EDEM3: variants seen among roughly 807,000 people sequenced by gnomAD.
EDEM3 encodes ER degradation-enhancing alpha-mannosidase-like protein 3.
A neutral mutation model predicts 110.2 loss-of-function variants in EDEM3; 60 were observed. That is an observed-to-expected ratio of 0.54 (90% CI 0.44 to 0.67). The LOEUF is 0.67. Among genes scored for constraint, EDEM3 ranks in the 30% least tolerant of loss-of-function variants. The pLI, the probability that EDEM3 is intolerant of heterozygous loss-of-function variation, is 0.00. For missense variants in EDEM3, 996 were observed against 1,121.0 expected, an observed-to-expected ratio of 0.89 and a Z score of 1.59; for synonymous variants, 352 against 382.9, an observed-to-expected ratio of 0.92 and a Z score of 0.94.
intron 2 of EDEM3, among the ~76,000 whole-genome samples, chr1:184,745,755 T>C (rs1274448174): frequency 6.6e-6 from 1 of 152,140 alleles, no homozygotes; most frequent in Non-Finnish European, 1.5e-5. Flanking sequence ...ACGATTCTAC[T>C]AAAGGAAATT....
intron 15 of EDEM3, among the ~76,000 whole-genome samples, chr1:184,711,460 A>T (rs985690044): frequency 1.4e-4 from 22 of 152,184 alleles, no homozygotes; most frequent in African/African-American, 5.3e-4. Context: ...AAACTGTTAC[A>T]TGCTGCCCAC....
chr1:184,739,971 C>G (rs1381123241), intron 2 of EDEM3, among the ~76,000 whole-genome samples: 2 of 152,072 alleles, frequency 1.3e-5, no homozygotes, highest in Non-Finnish European at 2.9e-5. Context: ...GCTGGTGGCC[C>G]TGCATACATG....
At position 184,702,933 on chromosome 1, in the gene EDEM3, T is replaced by A; in HGVS notation, c.2267A>T (p.Asp756Val). The change falls in exon 19 of 20, where the codon GAT (aspartate) becomes GTT (valine). Residue 756 changes from aspartate to valine, a missense_variant. Physicochemically the swap from Asp to Val is radical, Grantham distance 152 (BLOSUM62 -3). Transcript: ENST00000318130. ...CATGGGGATCTTGATGTCATCTGTATCCTTTCCATCACCTGCCATCTGGAA... is the reference window on the plus strand; with the variant it reads ...CATGGGGATCTTGATGTCATCTGTAACCTTTCCATCACCTGCCATCTGGAA... ...PLFQMAGDGK[D>V]TDDIKIPMLF... The A allele has an allele frequency of 6.2e-7, 1 of 1,613,574 alleles. No homozygotes were observed. The highest frequency in any genetic ancestry group is 1.1e-5 in the South Asian group (1 of 91,058).
Position 184,754,806 on chromosome 1 carries a change from C to G in EDEM3, c.-160G>C. ...CAAACTGTTTCCCGAAGCCACCAAG[C>G]CGGTCCCCAGCGCCAGCGCTGCCAC... On this transcript the variant is annotated 5_prime_UTR_variant, in exon 1 of 20. Coordinates refer to ENST00000318130, the MANE Select transcript of EDEM3 (RefSeq NM_025191.4). The G allele has an allele frequency of 8.2e-7, 1 of 1,225,684 alleles. No individual in the cohort carries two copies. 75.9% of individuals were successfully genotyped at this position (1,225,684 alleles called of 1,614,324 possible). A position where few individuals can be genotyped will look rare whatever the true frequency, so the allele number is the denominator to read the frequency against.
At chr1:184,730,573 G>C (rs1057146702) in intron 6 of EDEM3, among the ~76,000 whole-genome samples, 9 of 152,006 alleles carry the variant, frequency 5.9e-5, no homozygotes, top group African/African-American at 1.9e-4. Context: ...GGTGATAGAG[G>C]GAGACTATCT....
chr1:184,739,884 AC>A (rs1427645076), intron 2 of EDEM3, among the ~76,000 whole-genome samples: 4 of 152,302 alleles, frequency 2.6e-5, no homozygotes, highest in African/African-American at 7.2e-5. Context: ...AGCTGCACTG[AC>A]CACAACATGG....
intron 6 of EDEM3, among the ~76,000 whole-genome samples, chr1:184,726,908 G>A (rs1651224750): frequency 6.6e-6 from 1 of 152,232 alleles, no homozygotes; most frequent in Non-Finnish European, 1.5e-5. Flanking sequence ...CGGGTTTTAA[G>A]AGTTTGGAAA....
intron 3 of EDEM3, 99 bp downstream of exon 3, chr1:184,737,512 T>C: frequency 9.5e-7 from 1 of 1,055,100 alleles, no homozygotes; most frequent in Non-Finnish European, 1.4e-6. Context: ...CTTTAAAATT[T>C]AGCCAATCCC....
intron 4 of EDEM3, among the ~76,000 whole-genome samples, chr1:184,736,439 A>T (rs1651829360): frequency 6.6e-6 from 1 of 152,156 alleles, no homozygotes; most frequent in Non-Finnish European, 1.5e-5. Flanking sequence ...TTTATACCAT[A>T]ATGATCTAAG....
intron 2 of EDEM3, among the ~76,000 whole-genome samples, chr1:184,748,389 G>GAATCACT (rs1247231120): frequency 2.6e-5 from 4 of 151,666 alleles, no homozygotes; most frequent in African/African-American, 9.7e-5. Flanking sequence ...GGTGGCTGCA[G>GAATCACT]TGAGCTGAGA....
intron 2 of EDEM3, among the ~76,000 whole-genome samples, chr1:184,746,115 C>G (rs1652416041): frequency 6.6e-6 from 1 of 152,170 alleles, no homozygotes; most frequent in African/African-American, 2.4e-5. Context: ...TGCAGACTGA[C>G]TGGGGCTAGA....
chr1:184,717,119 A>T (rs1257239076), intron 12 of EDEM3, 107 bp from the exon 13 acceptor site: 8 of 856,462 alleles, frequency 9.3e-6, no homozygotes, highest in Non-Finnish European at 1.4e-5. Flanking sequence ...CAGGCACTGT[A>T]TCAGGCACTG....
At position 184,737,695 on chromosome 1, in the gene EDEM3, G is replaced by T. The variant is rs777966032; in HGVS notation, c.221C>A (p.Ala74Asp). 1 of 1,613,704 alleles carries T rather than the reference G, an allele frequency of 6.2e-7. No individual in the cohort carries two copies. Among genetic ancestry groups the T allele is most frequent in the South Asian group, 1.1e-5 (1 of 91,036 alleles). ...ACAGGTTAAAGGCATGAGTTCATCA[G>T]CAGGGTAAGCATGTTCCTGCAAGGA... ...YGNYMEHAYP[A>D]DELMPLTCRG... Residue 74 changes from alanine to aspartate, a missense_variant, in exon 3 of 20, where the codon GCT becomes GAT. Physicochemically the swap from Ala to Asp is moderately radical, Grantham distance 126. Transcript: ENST00000318130.
chr1:184,718,913 A>C (rs995910119), intron 11 of EDEM3, among the ~76,000 whole-genome samples: 6 of 152,160 alleles, frequency 3.9e-5, no homozygotes, highest in African/African-American at 1.2e-4. Flanking sequence ...ATTTTTTTAC[A>C]TAAAATTTTA....
intron 18 of EDEM3, among the ~76,000 whole-genome samples, chr1:184,705,842 CT>C (rs1235397729): frequency 1.3e-5 from 2 of 151,904 alleles, no homozygotes; most frequent in Non-Finnish European, 2.9e-5. Context: ...TATATTTCCC[CT>C]AATAGTCATG....
chr1:184,708,162 T>C lies in EDEM3; in HGVS notation c.2028A>G (p.Lys676=). The change falls in exon 17 of 20, where the codon AAA becomes AAG. Residue 676 remains lysine (K), a synonymous_variant. Coordinates refer to ENST00000318130, the MANE Select transcript of EDEM3 (RefSeq NM_025191.4). ...GPAQFGLDLS[K]HKETRGFVAS... Reference sequence around the variant, plus strand: ...TTTTAAGTATACATACCTCTTTATGTTTAGACAGATCCAGCCCAAACTGAG... The same window carrying C: ...TTTTAAGTATACATACCTCTTTATGCTTAGACAGATCCAGCCCAAACTGAG... 6.2e-7 allele frequency: 1 copy of C among 1,612,092 alleles called. No homozygotes were observed. Among genetic ancestry groups the C allele is most frequent in the Non-Finnish European group, 8.5e-7 (1 of 1,179,186 alleles).
At chr1:184,751,283 TG>T (rs1393344262) in intron 1 of EDEM3, among the ~76,000 whole-genome samples, 3 of 152,016 alleles carry the variant, frequency 2.0e-5, no homozygotes, top group Non-Finnish European at 2.9e-5. Flanking sequence ...TATCAATGAA[TG>T]GAAGATGGAA....
intron 19 of EDEM3, among the ~76,000 whole-genome samples, chr1:184,698,475 C>T (rs965515348): frequency 2.6e-5 from 4 of 151,732 alleles, no homozygotes; most frequent in African/African-American, 9.7e-5. Context: ...ATCCTACTAA[C>T]TTGGAGGAAT....
chr1:184,735,332 A>G (rs1389335849), intron 4 of EDEM3, among the ~76,000 whole-genome samples: 2 of 152,212 alleles, frequency 1.3e-5, no homozygotes, highest in African/African-American at 4.8e-5. Flanking sequence ...GTCTGACTTA[A>G]GTGCTTAAAA....
Sources: allele counts gnomAD v4.1 joint callset (sites outside exome capture counted in the v4.1 genomes callset), GRCh38; gene constraint gnomAD v4.1.1; transcripts MANE v1.5; gene names NCBI Gene and HGNC (gene_info 2026-07-23, HGNC 2026-07-21).